Variants in TBC1D23 observed in about 807,000 individuals in gnomAD.
The protein encoded by TBC1D23 is HCV non-structural protein 4A-transactivated protein 1.
Under a neutral mutation model 91.4 loss-of-function variants are expected in TBC1D23, and 55 were observed. The ratio of observed to expected loss-of-function variants is 0.60; its 90% CI spans 0.48 to 0.75. TBC1D23 has a LOEUF of 0.75. Ranked by LOEUF, TBC1D23 falls within the 30% of genes least tolerant of loss-of-function variation. TBC1D23 has a pLI of 0.00. For synonymous variants in TBC1D23, 289 were observed against 281.0 expected (o/e 1.03, Z -0.28); for missense variants, 725 against 836.1 (o/e 0.87, Z 1.64).
At chr3:100,316,302 T>G (rs1489559663) in intron 16 of TBC1D23, 115 bp downstream of exon 16, 2 of 743,762 alleles carry the variant, frequency 2.7e-6, no homozygotes, top group Non-Finnish European at 4.6e-6. Flanking sequence ...TCTGTAGAAA[T>G]AATTGGAGAA....
rs375651587 is a variant in TBC1D23 at position 100,274,828 on chromosome 3, CAT to C, written c.54-4815_54-4814del. ...TTAATTACATATATAAATTAATAAA[CAT>C]ATATAATATGATAAATATATAATAT... On this transcript the variant is annotated intron_variant, in intron 1 of 18. Transcript: ENST00000394144. Among the ~76,000 whole-genome samples, 44 of 147,808 alleles carry C rather than the reference CAT, an allele frequency of 3.0e-4. No individual in the cohort carries two copies. The East Asian group carries it at 4.1e-3, about 14-fold the overall frequency.
rs1169096098 is a variant in TBC1D23 at position 100,281,843 on chromosome 3, T to G, written c.267T>G (p.Phe89Leu). 6.3e-7 allele frequency: 1 copy of G among 1,599,182 alleles called. No homozygotes were observed. The highest frequency in any genetic ancestry group is 8.5e-7 in the Non-Finnish European group (1 of 1,169,776). Reference protein sequence around the residue: ...QNTIHKDCLQFIDQLSVPEEK... With the variant: ...QNTIHKDCLQLIDQLSVPEEK... ...CTATTCACAAAGATTGCCTGCAGTT[T>G]ATTGGTAAGCTGAATAATCACTTTC... Residue 89 changes from phenylalanine to leucine, a missense_variant, in exon 3 of 19, where the codon TTT becomes TTG. Transcript: ENST00000394144.
chr3:100,315,475 T>C (rs565463671), intron 15 of TBC1D23, among the ~76,000 whole-genome samples: 37 of 152,308 alleles, frequency 2.4e-4, no homozygotes, highest in African/African-American at 8.4e-4. Flanking sequence ...GCAGATTCAT[T>C]TTTATGGCTT....
chr3:100,266,418 G>A (rs769555532), intron 1 of TBC1D23, among the ~76,000 whole-genome samples: 14 of 152,044 alleles, frequency 9.2e-5, no homozygotes, highest in Non-Finnish European at 2.1e-4. Context: ...ACAGGCATGT[G>A]CCACCATGCC....
chr3:100,291,110 T>G (rs1305761654), intron 5 of TBC1D23, among the ~76,000 whole-genome samples: 1 of 152,188 alleles, frequency 6.6e-6, no homozygotes, highest in Non-Finnish European at 1.5e-5. Context: ...GGAAAATGAC[T>G]TAAGGTTATC....
Position 100,299,301 on chromosome 3 carries a change from A to G in TBC1D23, c.1062A>G (p.Leu354=), listed in dbSNP as rs755999713. The change falls in exon 10 of 19, where the codon TTA becomes TTG. Residue 354 remains leucine, a synonymous_variant. Coordinates refer to ENST00000394144, the MANE Select transcript of TBC1D23 (RefSeq NM_001199198.3). ...RPAEQYNAGH[L]STAFHLDSDL... Reference sequence around the variant, plus strand: ...CAGAACAATATAATGCTGGGCATTTATCAACTGCTTTCCACTTAGATTCAG... The same window carrying G: ...CAGAACAATATAATGCTGGGCATTTGTCAACTGCTTTCCACTTAGATTCAG... The G allele has an allele frequency of 1.2e-6, 2 of 1,612,144 alleles. No individual in the cohort carries two copies.
chr3:100,306,531 C>T lies in TBC1D23; in HGVS notation c.1401C>T (p.Ile467=). Residue 467 remains isoleucine (I), a synonymous_variant, in exon 13 of 19, where the codon ATC becomes ATT. Coordinates refer to ENST00000394144, the MANE Select transcript of TBC1D23 (RefSeq NM_001199198.3). ...GTACCTCAGGCTCAAGGAGCAGTAT[C>T]AATTCTGTTGATGTAAGTATATGTA... The part of the protein sequence containing the change: ...IASTSGSRSS[I]NSVDGESPNG... 1 of 1,596,056 alleles carries T rather than the reference C, an allele frequency of 6.3e-7. No individual in the cohort carries two copies. Among genetic ancestry groups the T allele is most frequent in the Non-Finnish European group, 8.6e-7 (1 of 1,163,862 alleles).
In TBC1D23 at chr3:100,290,747, T is replaced by A. The variant is rs200195808; in HGVS notation, c.600+46T>A. 7.5e-4 allele frequency: 1,125 copies of A among 1,509,260 alleles called. 3 individuals carry two copies. The highest frequency in any genetic ancestry group is 1.8e-3 in the Middle Eastern group (10 of 5,466). 93.5% of individuals were successfully genotyped at this position (1,509,260 alleles called of 1,614,324 possible). A position where few individuals can be genotyped will look rare whatever the true frequency, so the allele number is the denominator to read the frequency against. On this transcript the variant is annotated intron_variant, in intron 5 of 18. Transcript: ENST00000394144. ...ACATTTAATGAAAAATAGATTTATG[T>A]AAAGCTATAGTTAGGTGGGTTTTTT...
chr3:100,279,855 T>G, intron 2 of TBC1D23, 95 bp downstream of exon 2: 2 of 690,662 alleles, frequency 2.9e-6, no homozygotes, highest in East Asian at 5.5e-5. Flanking sequence ...GAAAACTTTA[T>G]TACCTTATGA....
At chr3:100,291,708 T>TA (rs2067791861) in intron 5 of TBC1D23, among the ~76,000 whole-genome samples, 1 of 151,824 alleles carries the variant, frequency 6.6e-6, no homozygotes, top group Admixed American at 6.6e-5. Flanking sequence ...AAAAGAAAAT[T>TA]AGAGTAGTGG....
chr3:100,294,155 T>C (rs547039221), intron 5 of TBC1D23, among the ~76,000 whole-genome samples: 1 of 152,338 alleles, frequency 6.6e-6, no homozygotes, highest in African/African-American at 2.4e-5. Context: ...AAAATATTAC[T>C]TCATGCAACT....
intron 18 of TBC1D23, among the ~76,000 whole-genome samples, 176 bp from the exon 19 acceptor site, chr3:100,323,411 G>A (rs917433316): frequency 1.2e-4 from 18 of 152,126 alleles, no homozygotes; most frequent in African/African-American, 4.3e-4. Flanking sequence ...TTTGGATTAT[G>A]TTCAAATAAG....
intron 4 of TBC1D23, among the ~76,000 whole-genome samples, chr3:100,285,219 C>T (rs1357002828): frequency 6.6e-6 from 1 of 152,196 alleles, no homozygotes; most frequent in African/African-American, 2.4e-5. Context: ...GCCATAACCA[C>T]AACCAATTTT....
At chr3:100,296,300 A>G (rs1343373175) in intron 8 of TBC1D23, 25 bp downstream of exon 8, 4 of 1,287,754 alleles carry the variant, frequency 3.1e-6, no homozygotes, top group African/African-American at 1.5e-5. Context: ...ATGACCAACT[A>G]TGTTGTATTT....
intron 1 of TBC1D23, among the ~76,000 whole-genome samples, chr3:100,274,390 T>C (rs945041955): frequency 7.9e-5 from 12 of 152,190 alleles, no homozygotes; most frequent in Admixed American, 3.3e-4. Flanking sequence ...TTATAATACG[T>C]TAAATAGAGT....
In TBC1D23 at chr3:100,296,140, A is replaced by G. The variant is rs377009082; in HGVS notation, c.773-32A>G. 2.3e-4 allele frequency: 291 copies of G among 1,279,674 alleles called. 1 individual carries two copies. The highest frequency in any genetic ancestry group is 2.8e-4 in the Non-Finnish European group (256 of 916,736). The allele number at this position is 1,279,674 out of a possible 1,614,324, so 79.3% of individuals were successfully genotyped here. A position where few individuals can be genotyped will look rare whatever the true frequency, so the allele number is the denominator to read the frequency against. Reference sequence around the variant, plus strand: ...ATAAACAATATTTGCATTTTTCACAAACTACTAAATATTATGTCTATAATA... The same window carrying G: ...ATAAACAATATTTGCATTTTTCACAGACTACTAAATATTATGTCTATAATA... On this transcript the variant is annotated intron_variant, in intron 7 of 18. Coordinates refer to ENST00000394144, the MANE Select transcript of TBC1D23 (RefSeq NM_001199198.3).
intron 15 of TBC1D23, among the ~76,000 whole-genome samples, chr3:100,312,347 C>T (rs866069353): frequency 2.3e-4 from 35 of 152,030 alleles, no homozygotes; most frequent in Middle Eastern, 6.8e-3. Flanking sequence ...TTAGATTTTT[C>T]TTAATAAGAT....
At chr3:100,270,861 AT>A (rs896524815) in intron 1 of TBC1D23, among the ~76,000 whole-genome samples, 5 of 151,834 alleles carry the variant, frequency 3.3e-5, no homozygotes, top group African/African-American at 9.7e-5. Flanking sequence ...CACAATATTA[AT>A]TTTTTTTAAT....
intron 10 of TBC1D23, among the ~76,000 whole-genome samples, chr3:100,299,859 A>G (rs1214642044): frequency 2.0e-5 from 3 of 152,160 alleles, no homozygotes; most frequent in South Asian, 2.1e-4. Context: ...AATGCTCACT[A>G]TGGCTTACTA....
Sources: gnomAD v4.1 joint callset for allele counts (sites outside exome capture counted in the v4.1 genomes callset) on GRCh38, gnomAD v4.1.1 for gene constraint, MANE v1.5 for transcripts, NCBI Gene and HGNC (gene_info 2026-07-23, HGNC 2026-07-21) for gene names.